The following TMEM114 variants were observed in gnomAD, a reference collection of about 807,000 sequenced individuals.
TMEM114 encodes claudin-26.
Under a neutral mutation model 6.2 loss-of-function variants are expected in TMEM114, and 6 were observed. That is an observed-to-expected ratio of 0.97 (90% CI 0.53 to 1.91). TMEM114 has a LOEUF of 1.91. Among genes scored for constraint, TMEM114 ranks in the 40% most tolerant of loss-of-function variants. The pLI is 0.01. For synonymous variants in TMEM114, 104 were observed against 73.0 expected (o/e 1.42, Z -2.16); for missense variants, 218 against 158.3 (o/e 1.38, Z -2.02).
At chr16:8,565,343 G>A (rs76945074), downstream of TMEM114, among the ~76,000 whole-genome samples, 24,078 of 152,140 alleles carry the variant, frequency 0.16, 2,253 homozygotes, top group Non-Finnish European at 0.21. Context: ...TGGATGGGTG[G>A]GTGGCAAGTG....
chr16:8,528,263 C>T, the TMEM114 span, among the ~76,000 whole-genome samples: 7 of 151,858 alleles, frequency 4.6e-5, no homozygotes, highest in African/African-American at 7.2e-5. Flanking sequence ...CACACACACA[C>T]GCACACACTC....
chr16:8,562,119 AG>A (rs1901248529), intron 2 of TMEM114, among the ~76,000 whole-genome samples: 1 of 151,788 alleles, frequency 6.6e-6, no homozygotes, highest in African/African-American at 2.4e-5. Flanking sequence ...CGAATAAGTA[AG>A]TGAATGAGTG....
At chr16:8,563,711 GAGTGAGTGAATGAGTC>G (rs1262151197) in intron 2 of TMEM114, among the ~76,000 whole-genome samples, 7 of 148,622 alleles carry the variant, frequency 4.7e-5, no homozygotes, top group African/African-American at 7.9e-5. Context: ...GTGAATGAGT[GAGTGAGTGAATGAGTC>G]AGTGAGTGAA....
chr16:8,541,303 G>A (rs1369059561), intron 2 of TMEM114, among the ~76,000 whole-genome samples: 2 of 152,092 alleles, frequency 1.3e-5, no homozygotes, highest in African/African-American at 4.8e-5. Flanking sequence ...TGGACTCAGA[G>A]CATCATACAA....
At chr16:8,555,524 T>C (rs1900982588) in intron 2 of TMEM114, among the ~76,000 whole-genome samples, 1 of 152,208 alleles carries the variant, frequency 6.6e-6, no homozygotes, top group African/African-American at 2.4e-5. Flanking sequence ...TTTCTGGGTG[T>C]TGTCATGGCA....
chr16:8,579,237 C>T (rs769775037), intron 2 of TMEM114, among the ~76,000 whole-genome samples: 21 of 152,102 alleles, frequency 1.4e-4, no homozygotes, highest in Non-Finnish European at 4.4e-5. Context: ...CAGGAAGCCC[C>T]GAGCGGTCAA....
At chr16:8,535,906 C>G (rs1014065292), downstream of TMEM114, among the ~76,000 whole-genome samples, 2 of 152,088 alleles carry the variant, frequency 1.3e-5, no homozygotes, top group Admixed American at 1.3e-4. Flanking sequence ...TCCTCATGGT[C>G]AAAATGAAAG....
chr16:8,553,404 C>CT (rs1567198224), intron 2 of TMEM114, among the ~76,000 whole-genome samples: 1 of 152,098 alleles, frequency 6.6e-6, no homozygotes, highest in Non-Finnish European at 1.5e-5. Context: ...GGACTTGAAT[C>CT]TTTTTTTGGG....
rs754426476 is a variant in TMEM114, at chr16:8,569,850, C to T, written c.595G>A (p.Glu199Lys). Residue 199 changes from glutamate (E) to lysine (K), a missense_variant, in exon 4 of 4, where the codon GAG becomes AAG. Glu to Lys is a moderately conservative substitution (Grantham distance 56). Transcript: ENST00000620492. ...LALGWISFIA[E>K]LLTGAAFLAA... ...AGGAAGGCTGCCCCGGTGAGCAGCT[C>T]GGCGATGAAGCTGATCCAGCCCAGG... The T allele has an allele frequency of 1.5e-4, 229 of 1,550,886 alleles. No homozygotes were observed. Among genetic ancestry groups the T allele is most frequent in the Non-Finnish European group, 2.0e-4 (225 of 1,146,962 alleles).
intron 2 of TMEM114, among the ~76,000 whole-genome samples, chr16:8,573,058 C>G (rs934826218): frequency 6.6e-6 from 1 of 152,192 alleles, no homozygotes; most frequent in East Asian, 1.9e-4. Flanking sequence ...CTCATGCAAG[C>G]TTTCTGGGTT....
rs971240206 is a variant in TMEM114 at position 8,590,109 on chromosome 16, C to G, written c.-271G>C. On this transcript the variant is annotated 5_prime_UTR_variant, in exon 1 of 4. Coordinates refer to ENST00000620492, the MANE Select transcript of TMEM114 (RefSeq NM_001146336.2). Reference sequence around the variant, plus strand: ...CCAGCTCTACCTGCAGACCCCCTCACTCTCACTTGTGCTGTCCGACCTCCA... The same window carrying G: ...CCAGCTCTACCTGCAGACCCCCTCAGTCTCACTTGTGCTGTCCGACCTCCA... The G allele has an allele frequency of 2.0e-5, 7 of 349,752 alleles. No homozygotes were observed. Among genetic ancestry groups the G allele is most frequent in the Middle Eastern group, 1.5e-3 (2 of 1,342 alleles). The allele number at this position is 349,752 out of a possible 1,614,324, so 21.7% of individuals were successfully genotyped here.
intron 2 of TMEM114, among the ~76,000 whole-genome samples, chr16:8,586,750 T>C (rs549261965): frequency 6.6e-6 from 1 of 152,284 alleles, no homozygotes; most frequent in African/African-American, 2.4e-5. Context: ...CCTCAGGTGA[T>C]CTGCCTGCCT....
the TMEM114 span, among the ~76,000 whole-genome samples, chr16:8,529,704 A>T: frequency 6.6e-6 from 1 of 151,830 alleles, no homozygotes; most frequent in Non-Finnish European, 1.5e-5. Flanking sequence ...TCCTAGCTGG[A>T]CACTGGAATT....
intron 2 of TMEM114, among the ~76,000 whole-genome samples, chr16:8,562,278 G>A (rs1158689320): frequency 4.8e-5 from 1 of 20,998 alleles, no homozygotes; most frequent in Non-Finnish European, 1.1e-4. Flanking sequence ...GGGAGGGAAT[G>A]AGTGAGTGAG....
chr16:8,528,813 C>T, the TMEM114 span, among the ~76,000 whole-genome samples: 33 of 152,338 alleles, frequency 2.2e-4, no homozygotes, highest in Non-Finnish European at 3.1e-4. Flanking sequence ...ACTGAGCACG[C>T]GCTCTGTGTG....
At chr16:8,568,371 T>C (rs577941214), downstream of TMEM114, among the ~76,000 whole-genome samples, 1 of 150,876 alleles carries the variant, frequency 6.6e-6, no homozygotes, top group Non-Finnish European at 1.5e-5. Flanking sequence ...GGTGCATAGA[T>C]GTGGATGTCA....
the TMEM114 span, among the ~76,000 whole-genome samples, chr16:8,526,896 T>C: frequency 3.3e-5 from 5 of 152,184 alleles, no homozygotes; most frequent in Non-Finnish European, 7.3e-5. Flanking sequence ...ACCAACACTT[T>C]AAACTTTGAA....
downstream of TMEM114, chr16:8,569,490 A>G: frequency 7.5e-7 from 1 of 1,330,246 alleles, no homozygotes; most frequent in Non-Finnish European, 9.6e-7. Flanking sequence ...GCAATCTGTA[A>G]AGCTCTGTGT....
downstream of TMEM114, among the ~76,000 whole-genome samples, chr16:8,535,650 A>C (rs530262367): frequency 2.6e-5 from 4 of 152,322 alleles, no homozygotes; most frequent in East Asian, 7.7e-4. Context: ...TGATCTTATG[A>C]GTTCTGTGAT....
Sources: allele counts gnomAD v4.1 joint callset (sites outside exome capture counted in the v4.1 genomes callset), GRCh38; gene constraint gnomAD v4.1.1; transcripts MANE v1.5; gene names NCBI Gene and HGNC (gene_info 2026-07-23, HGNC 2026-07-21).